POFUT3: variants seen among roughly 807,000 people sequenced by gnomAD.
POFUT3 encodes protein O-fucosyltransferase 3.
the POFUT3 span, among the ~76,000 whole-genome samples, chr8:33,386,160 GC>G: frequency 8.1e-6 from 1 of 123,100 alleles, no homozygotes; most frequent in African/African-American, 3.3e-5. Flanking sequence ...CTACACTCCA[GC>G]CTGGACAACA....
chr8:33,416,976 C>G, the POFUT3 span, among the ~76,000 whole-genome samples: 1 of 152,172 alleles, frequency 6.6e-6, no homozygotes, highest in Admixed American at 6.5e-5. Context: ...GGCCATAGGC[C>G]GGTATCCATC....
At chr8:33,322,010 C>G in the POFUT3 span, among the ~76,000 whole-genome samples, 1 of 152,084 alleles carries the variant, frequency 6.6e-6, no homozygotes, top group East Asian at 1.9e-4. Context: ...ATGCTTAATA[C>G]CCAGCATAGT....
At chr8:33,348,805 C>G in the POFUT3 span, among the ~76,000 whole-genome samples, 1 of 152,002 alleles carries the variant, frequency 6.6e-6, no homozygotes, top group African/African-American at 2.4e-5. Context: ...TTGGTGCAGG[C>G]AGAGCACAGG....
At chr8:33,340,247 T>C in the POFUT3 span, among the ~76,000 whole-genome samples, 8 of 151,958 alleles carry the variant, frequency 5.3e-5, no homozygotes, top group African/African-American at 1.7e-4. Context: ...CACACACACA[T>C]ATATACACAC....
chr8:33,458,551 C>A, the POFUT3 span, among the ~76,000 whole-genome samples: 1 of 151,900 alleles, frequency 6.6e-6, no homozygotes, highest in Non-Finnish European at 1.5e-5. Flanking sequence ...CCCATCTCTA[C>A]TAAAAATACA....
the POFUT3 span, among the ~76,000 whole-genome samples, chr8:33,367,789 C>T: frequency 2.0e-5 from 3 of 152,032 alleles, no homozygotes; most frequent in East Asian, 1.9e-4. Context: ...ACTTACGTTA[C>T]ATTCATTCCA....
At chr8:33,379,950 T>C in the POFUT3 span, among the ~76,000 whole-genome samples, 2 of 109,544 alleles carry the variant, frequency 1.8e-5, no homozygotes, top group Non-Finnish European at 3.5e-5. Flanking sequence ...ATATACCCTA[T>C]ATATACTATA....
the POFUT3 span, among the ~76,000 whole-genome samples, chr8:33,380,089 A>ACAC: frequency 5.2e-5 from 3 of 57,168 alleles, no homozygotes; most frequent in Admixed American, 4.5e-4. Flanking sequence ...TATATATACT[A>ACAC]TATATATACA....
chr8:33,423,686 T>C, the POFUT3 span, among the ~76,000 whole-genome samples: 1 of 152,062 alleles, frequency 6.6e-6, no homozygotes, highest in South Asian at 2.1e-4. Flanking sequence ...TGCAACATTT[T>C]ATATTTACAT....
chr8:33,438,007 G>A, the POFUT3 span, among the ~76,000 whole-genome samples: 5 of 152,232 alleles, frequency 3.3e-5, no homozygotes, highest in Admixed American at 3.3e-4. Context: ...GGTAAAATAT[G>A]TAGATGTCAA....
chr8:33,396,207 C>T, the POFUT3 span, among the ~76,000 whole-genome samples: 8 of 152,130 alleles, frequency 5.3e-5, no homozygotes, highest in African/African-American at 1.9e-4. Context: ...CTGGGCAATG[C>T]TACCCTTCCT....
At chr8:33,340,828 A>G in the POFUT3 span, among the ~76,000 whole-genome samples, 2 of 152,214 alleles carry the variant, frequency 1.3e-5, no homozygotes, top group African/African-American at 4.8e-5. Context: ...AAATAGACAA[A>G]TATACAATTA....
chr8:33,366,643 G>A, the POFUT3 span, among the ~76,000 whole-genome samples: 1 of 152,268 alleles, frequency 6.6e-6, no homozygotes, highest in Non-Finnish European at 1.5e-5. Context: ...AAGTTGTCAA[G>A]CTCAATGTGG....
chr8:33,308,123 G>C, the POFUT3 span, among the ~76,000 whole-genome samples: 1 of 152,110 alleles, frequency 6.6e-6, no homozygotes, highest in African/African-American at 2.4e-5. Context: ...CAACATGAAA[G>C]CTGGAAAGGA....
the POFUT3 span, chr8:33,372,801 A>C: frequency 6.2e-7 from 1 of 1,613,382 alleles, no homozygotes; most frequent in Non-Finnish European, 8.5e-7. Context: ...TTGGGTGGTA[A>C]GCCCTGCAGG....
chr8:33,454,817 C>T, the POFUT3 span, among the ~76,000 whole-genome samples: 1 of 152,144 alleles, frequency 6.6e-6, no homozygotes, highest in South Asian at 2.1e-4. Flanking sequence ...CAGGTGCCAG[C>T]CACAACACCC....
the POFUT3 span, chr8:33,371,264 G>A: frequency 6.6e-6 from 1 of 152,162 alleles, no homozygotes; most frequent in Non-Finnish European, 1.5e-5. Context: ...TGATCCTTCT[G>A]GCTTCTATAA....
At chr8:33,458,442 T>C in the POFUT3 span, among the ~76,000 whole-genome samples, 11 of 152,286 alleles carry the variant, frequency 7.2e-5, no homozygotes, top group Non-Finnish European at 1.2e-4. Context: ...AGGCCAGGCC[T>C]GGTGGCTCAC....
chr8:33,414,922 A>T, the POFUT3 span, among the ~76,000 whole-genome samples: 1 of 151,120 alleles, frequency 6.6e-6, no homozygotes, highest in South Asian at 2.1e-4. Flanking sequence ...ATGCTAGTTC[A>T]TCTCTTCCCC....
Sources: gnomAD v4.1 joint callset for allele counts (sites outside exome capture counted in the v4.1 genomes callset) on GRCh38, gnomAD v4.1.1 for gene constraint, MANE v1.5 for transcripts, NCBI Gene and HGNC (gene_info 2026-07-23, HGNC 2026-07-21) for gene names.